The following SDCCAG8 variants were observed in gnomAD, a reference collection of about 807,000 sequenced individuals.
The protein encoded by SDCCAG8 is SHH signaling and ciliogenesis regulator SDCCAG8.
In SDCCAG8, 74 loss-of-function variants were observed where a neutral mutation model predicts 101.8. The ratio of observed to expected loss-of-function variants is 0.73; its 90% CI spans 0.60 to 0.88. The LOEUF (loss-of-function observed/expected upper bound fraction) is 0.88. Among genes scored for constraint, SDCCAG8 ranks in the 40% least tolerant of loss-of-function variants. The probability of loss-of-function intolerance (pLI) is 0.00; values close to 1 mark genes in which losing one functional copy is unlikely to be tolerated. For synonymous variants in SDCCAG8, 281 were observed against 292.9 expected, an observed-to-expected ratio of 0.96 and a Z score of 0.41; for missense variants, 787 against 822.6, an observed-to-expected ratio of 0.96 and a Z score of 0.53.
chr1:243,342,319 C>T (rs1481189071), intron 11 of SDCCAG8, among the ~76,000 whole-genome samples: 2 of 152,208 alleles, frequency 1.3e-5, no homozygotes, highest in Non-Finnish European at 1.5e-5. Flanking sequence ...ACATATACAT[C>T]AGAAGAGCGA....
intron 1 of SDCCAG8, among the ~76,000 whole-genome samples, chr1:243,266,216 T>C (rs1168995168): frequency 2.0e-5 from 3 of 152,190 alleles, no homozygotes; most frequent in Non-Finnish European, 4.4e-5. Flanking sequence ...CATTATTAAG[T>C]ATATGCACCA....
intron 16 of SDCCAG8, among the ~76,000 whole-genome samples, chr1:243,444,402 C>T (rs1050510253): frequency 6.6e-6 from 1 of 150,850 alleles, no homozygotes; most frequent in Non-Finnish European, 1.5e-5. Context: ...GATGGAGTCT[C>T]GCTCTGTTGC....
At chr1:243,495,249 G>A (rs961403158) in intron 17 of SDCCAG8, among the ~76,000 whole-genome samples, 32 of 152,216 alleles carry the variant, frequency 2.1e-4, no homozygotes, top group Admixed American at 1.8e-3. Context: ...GTGCGGGGCC[G>A]CCTCCCTCTC....
intron 13 of SDCCAG8, among the ~76,000 whole-genome samples, chr1:243,382,681 G>A (rs1230652163): frequency 1.3e-5 from 2 of 152,154 alleles, no homozygotes; most frequent in African/African-American, 4.8e-5. Context: ...ATTTAAAGAA[G>A]GTAATTGAAG....
At chr1:243,420,354 T>G (rs1223461358) in intron 15 of SDCCAG8, among the ~76,000 whole-genome samples, 2 of 152,228 alleles carry the variant, frequency 1.3e-5, no homozygotes, top group African/African-American at 4.8e-5. Context: ...TGACACATAG[T>G]AATACACAGT....
chr1:243,486,202 C>CAA (rs57724631), intron 16 of SDCCAG8, among the ~76,000 whole-genome samples: 5,731 of 61,354 alleles, frequency 0.093, 751 homozygotes, highest in Admixed American at 0.14. Flanking sequence ...ACTCTGCCTC[C>CAA]AAAAAAAAAA....
At chr1:243,350,509 C>T (rs933152994) in intron 12 of SDCCAG8, among the ~76,000 whole-genome samples, 7 of 152,098 alleles carry the variant, frequency 4.6e-5, no homozygotes, top group Non-Finnish European at 5.9e-5. Flanking sequence ...TGAGCCACTG[C>T]GCCCGGCCTA....
At chr1:243,369,410 C>G (rs1366293759) in intron 12 of SDCCAG8, among the ~76,000 whole-genome samples, 1 of 152,128 alleles carries the variant, frequency 6.6e-6, no homozygotes, top group Non-Finnish European at 1.5e-5. Flanking sequence ...ATGCTCACTC[C>G]AAGGCATTCA....
chr1:243,494,949 CATG>C (rs1345749562), intron 17 of SDCCAG8, among the ~76,000 whole-genome samples: 1 of 152,228 alleles, frequency 6.6e-6, no homozygotes, highest in African/African-American at 2.4e-5. Context: ...CACTTTCAAA[CATG>C]AGGCAGCCAG....
At chr1:243,427,023 G>C (rs1299653440) in intron 16 of SDCCAG8, among the ~76,000 whole-genome samples, 1 of 152,164 alleles carries the variant, frequency 6.6e-6, no homozygotes, top group Non-Finnish European at 1.5e-5. Flanking sequence ...CTTCTTTCTG[G>C]TGGTGTTACT....
chr1:243,463,081 G>A (rs981684411), intron 16 of SDCCAG8, among the ~76,000 whole-genome samples: 41 of 152,344 alleles, frequency 2.7e-4, no homozygotes, highest in African/African-American at 9.4e-4. Context: ...GTCCACTGAT[G>A]CTGTTCTTAA....
At chr1:243,314,076 A>G (rs2073016606) in intron 8 of SDCCAG8, among the ~76,000 whole-genome samples, 1 of 152,226 alleles carries the variant, frequency 6.6e-6, no homozygotes, top group South Asian at 2.1e-4. Context: ...CTGAGTCAAA[A>G]CAAAACCAAA....
intron 1 of SDCCAG8, among the ~76,000 whole-genome samples, chr1:243,258,833 T>A (rs2066967452): frequency 6.6e-6 from 1 of 152,208 alleles, no homozygotes; most frequent in Admixed American, 6.5e-5. Context: ...AAAATGCAGT[T>A]TAAAGTTCTA....
chr1:243,351,861 C>T (rs373111963), intron 12 of SDCCAG8, among the ~76,000 whole-genome samples: 3 of 152,106 alleles, frequency 2.0e-5, no homozygotes, highest in African/African-American at 7.2e-5. Flanking sequence ...GGTAAAATCA[C>T]AAAATTAGCA....
chr1:243,391,379 T>C (rs1258259401), intron 13 of SDCCAG8, among the ~76,000 whole-genome samples: 1 of 152,226 alleles, frequency 6.6e-6, no homozygotes, highest in Non-Finnish European at 1.5e-5. Context: ...GCTGCAACTC[T>C]GTTAGAGCCA....
intron 13 of SDCCAG8, among the ~76,000 whole-genome samples, chr1:243,406,407 G>C (rs1334453562): frequency 6.6e-6 from 1 of 152,286 alleles, no homozygotes; most frequent in East Asian, 1.9e-4. Context: ...AGTGTGCATT[G>C]TCAAATGCAC....
chr1:243,344,077 C>CT, intron 11 of SDCCAG8, 138 bp from the exon 12 acceptor site: 2 of 716,230 alleles, frequency 2.8e-6, no homozygotes, highest in South Asian at 3.2e-5. Flanking sequence ...GTTGAATAGT[C>CT]TAATAGAAAA....
intron 13 of SDCCAG8, among the ~76,000 whole-genome samples, chr1:243,386,779 G>A (rs1368969607): frequency 6.6e-6 from 1 of 151,872 alleles, no homozygotes; most frequent in East Asian, 1.9e-4. Context: ...GAGAGAGAGA[G>A]AGAGAGAGAG....
At chr1:243,413,421 A>T (rs1197171699) in intron 13 of SDCCAG8, among the ~76,000 whole-genome samples, 2 of 152,048 alleles carry the variant, frequency 1.3e-5, no homozygotes, top group Non-Finnish European at 1.5e-5. Context: ...GGCCATGCTG[A>T]TCTCTAACTC....
Sources: gnomAD v4.1 joint callset for allele counts (sites outside exome capture counted in the v4.1 genomes callset) on GRCh38, gnomAD v4.1.1 for gene constraint, MANE v1.5 for transcripts, NCBI Gene and HGNC (gene_info 2026-07-23, HGNC 2026-07-21) for gene names.